The following OSBPL10 variants were observed in gnomAD, a reference collection of about 807,000 sequenced individuals.
OSBPL10 encodes oxysterol binding protein like 10.
A neutral mutation model predicts 81.7 loss-of-function variants in OSBPL10; 49 were observed. The ratio of observed to expected loss-of-function variants is 0.60; its 90% CI spans 0.48 to 0.76. The LOEUF is 0.76. Ranked by LOEUF, OSBPL10 falls within the 30% of genes least tolerant of loss-of-function variation. The probability of loss-of-function intolerance (pLI) is 0.00; values close to 1 mark genes in which losing one functional copy is unlikely to be tolerated. For synonymous variants in OSBPL10, 419 were observed against 383.6 expected, an observed-to-expected ratio of 1.09 and a Z score of -1.08; for missense variants, 923 against 987.8, an observed-to-expected ratio of 0.93 and a Z score of 0.88.
chr3:31,817,717 C>A (rs1056336779), intron 4 of OSBPL10, among the ~76,000 whole-genome samples: 1 of 152,148 alleles, frequency 6.6e-6, no homozygotes, highest in South Asian at 2.1e-4. Flanking sequence ...GTCTGGACTG[C>A]GGTTTGGGTG....
chr3:31,870,599 A>C (rs983350111), intron 3 of OSBPL10, among the ~76,000 whole-genome samples: 2 of 152,250 alleles, frequency 1.3e-5, no homozygotes, highest in Non-Finnish European at 2.9e-5. Flanking sequence ...GGGGCCTTGG[A>C]GAACCTTTAT....
chr3:32,046,291 C>T (rs982409047), intron 2 of OSBPL10, among the ~76,000 whole-genome samples: 11 of 152,258 alleles, frequency 7.2e-5, no homozygotes, highest in East Asian at 3.9e-4. Context: ...TAAAAATTGA[C>T]GCCCTCATCA....
At chr3:31,695,857 G>A (rs1695704500) in intron 7 of OSBPL10, among the ~76,000 whole-genome samples, 2 of 152,042 alleles carry the variant, frequency 1.3e-5, no homozygotes, top group Admixed American at 6.6e-5. Context: ...TGGGTAAATT[G>A]AAGCAGTCCA....
intron 4 of OSBPL10, among the ~76,000 whole-genome samples, chr3:31,823,202 T>C (rs1014626847): frequency 3.3e-5 from 5 of 152,230 alleles, no homozygotes; most frequent in African/African-American, 1.2e-4. Context: ...CTCTCTGACA[T>C]ACAATCCACA....
intron 1 of OSBPL10, among the ~76,000 whole-genome samples, chr3:31,927,551 T>C (rs1697110121): frequency 6.6e-6 from 1 of 152,144 alleles, no homozygotes; most frequent in Non-Finnish European, 1.5e-5. Context: ...CCCAGAGTCA[T>C]CTTAACTATT....
intron 2 of OSBPL10, among the ~76,000 whole-genome samples, chr3:32,003,098 C>G (rs1262643904): frequency 1.3e-5 from 2 of 152,220 alleles, no homozygotes; most frequent in Non-Finnish European, 2.9e-5. Context: ...TGGGCAGAGG[C>G]ACCAGAGTGG....
intron 2 of OSBPL10, among the ~76,000 whole-genome samples, chr3:32,035,152 A>G (rs1053136785): frequency 3.9e-5 from 6 of 152,346 alleles, no homozygotes; most frequent in Admixed American, 2.0e-4. Context: ...TACTTCATAG[A>G]GGAGTCTGAG....
chr3:31,999,987 G>A (rs967546823), intron 2 of OSBPL10, among the ~76,000 whole-genome samples: 5 of 152,092 alleles, frequency 3.3e-5, no homozygotes, highest in Admixed American at 2.6e-4. Context: ...ATATCTAGTG[G>A]TGCGGCCTCA....
intron 2 of OSBPL10, among the ~76,000 whole-genome samples, chr3:32,012,200 C>T (rs967906188): frequency 1.3e-5 from 2 of 152,124 alleles, no homozygotes; most frequent in African/African-American, 4.8e-5. Flanking sequence ...AGAGAAAGGT[C>T]GGGTTACCAC....
intron 4 of OSBPL10, among the ~76,000 whole-genome samples, chr3:31,811,072 A>G (rs906054979): frequency 2.0e-5 from 3 of 152,126 alleles, no homozygotes; most frequent in African/African-American, 7.2e-5. Context: ...CTGTGAGCCT[A>G]TAAGCAAGAG....
In OSBPL10 at chr3:32,018,735, T is replaced by G. The variant is rs150324339; in HGVS notation, n.298+27756A>C. On this transcript the variant is annotated intron_variant and non_coding_transcript_variant, in intron 2 of 3. Transcript: ENST00000479173. ...AGGAAAAAAATGCAAGACATTATATTTGAAGACATCAGTGGCTGAATTTGG... is the reference window on the plus strand; with the variant it reads ...AGGAAAAAAATGCAAGACATTATATGTGAAGACATCAGTGGCTGAATTTGG... Among the ~76,000 whole-genome samples the G allele has an allele frequency of 7.9e-3, 1,196 of 152,220 alleles. 18 individuals carry two copies. The highest frequency in any genetic ancestry group is 0.028 in the African/African-American group (1,143 of 41,534).
intron 10 of OSBPL10, among the ~76,000 whole-genome samples, chr3:31,667,568 C>A (rs1043456351): frequency 1.3e-5 from 2 of 152,172 alleles, no homozygotes; most frequent in Non-Finnish European, 1.5e-5. Context: ...TTCATAAAAT[C>A]ATTTGTAATT....
chr3:31,987,179 C>T (rs1698946604), intron 2 of OSBPL10, among the ~76,000 whole-genome samples: 1 of 152,048 alleles, frequency 6.6e-6, no homozygotes, highest in Admixed American at 6.6e-5. Flanking sequence ...CTTCTATCTG[C>T]ATAGTTGTAT....
At chr3:31,995,353 C>A (rs72496967) in intron 2 of OSBPL10, among the ~76,000 whole-genome samples, 2,472 of 152,248 alleles carry the variant, frequency 0.016, 38 homozygotes, top group Middle Eastern at 0.037. Flanking sequence ...GAATGCAATT[C>A]TTTCCCTAGG....
intron 4 of OSBPL10, among the ~76,000 whole-genome samples, chr3:31,788,099 T>TC (rs1270549357): frequency 2.6e-5 from 4 of 152,188 alleles, no homozygotes; most frequent in Admixed American, 2.0e-4. Context: ...TTGTTTTTTT[T>TC]CTCCCAGAAA....
chr3:31,689,941 A>G (rs4955109), intron 7 of OSBPL10, among the ~76,000 whole-genome samples: 149,957 of 152,274 alleles, frequency 0.98, 73,849 homozygotes, highest in Middle Eastern at 1. Flanking sequence ...TCTGGAGGGA[A>G]ACAGCTTGAG....
intron 4 of OSBPL10, among the ~76,000 whole-genome samples, chr3:31,819,368 T>C (rs1699926449): frequency 6.6e-6 from 1 of 152,228 alleles, no homozygotes; most frequent in Non-Finnish European, 1.5e-5. Context: ...ACTTCTATCA[T>C]TCATCAAGGT....
chr3:31,847,211 T>TAA lies in OSBPL10; in HGVS notation c.538-16982_538-16981dup, dbSNP rs369782801. Among the ~76,000 whole-genome samples, 299 of 148,732 alleles carry TAA rather than the reference T, an allele frequency of 2.0e-3. 2 individuals carry two copies. The highest frequency in any genetic ancestry group is 0.01 in the Middle Eastern group (3 of 294). On this transcript the variant is annotated intron_variant, in intron 3 of 11. Coordinates refer to ENST00000396556, the MANE Select transcript of OSBPL10 (RefSeq NM_017784.5). The stretch of plus-strand genomic sequence containing the variant: ...CCCCATTCCTTTTTTTTTTTTTTTT[T>TAA]AAAAAGACAGAATTTCATTTGGTAG...
chr3:31,752,465 G>A (rs150736879), intron 4 of OSBPL10, among the ~76,000 whole-genome samples: 76 of 152,308 alleles, frequency 5.0e-4, no homozygotes, highest in African/African-American at 7.5e-4. Flanking sequence ...GAGATGAAAC[G>A]TAGGTCAAGT....
Sources: allele counts gnomAD v4.1 joint callset (sites outside exome capture counted in the v4.1 genomes callset), GRCh38; gene constraint gnomAD v4.1.1; transcripts MANE v1.5; gene names NCBI Gene and HGNC (gene_info 2026-07-23, HGNC 2026-07-21).